The following THADA variants were observed in gnomAD, a reference collection of about 807,000 sequenced individuals.
The protein encoded by THADA is THADA armadillo repeat containing, also known as tRNA (32-2'-O)-methyltransferase regulator THADA.
Under a neutral mutation model 219.8 loss-of-function variants are expected in THADA, and 213 were observed. The observed-to-expected ratio is 0.97, with a 90% CI of 0.87 to 1.09. THADA has a LOEUF of 1.09. Ranked by LOEUF, THADA falls within the 50% of genes least tolerant of loss-of-function variation. THADA has a pLI of 0.00. For missense variants in THADA, 2,956 were observed against 2,311.3 expected (o/e 1.28, Z -5.72); for synonymous variants, 1,018 against 828.9 (o/e 1.23, Z -3.92).
Position 43,574,856 on chromosome 2 carries a change from T to C in THADA, c.1209A>G (p.Pro403=), listed in dbSNP as rs776122558. 5.0e-6 allele frequency: 8 copies of C among 1,613,886 alleles called. No homozygotes were observed. In the African/African-American group the frequency reaches 5.3e-5, roughly 11 times the overall value. ...TGGTTTGGTGTCTCAGAGCATCCAA[T>C]GGATGTTCCCAATGGGTATAGACAT... ...LEYVYTHWEH[P]LDALRHQTKI... is the part of the protein sequence containing the mutation. Residue 403 remains proline, a synonymous_variant, in exon 11 of 38, where the codon CCA becomes CCG. Coordinates refer to ENST00000405975, the MANE Select transcript of THADA (RefSeq NM_022065.5).
chr2:43,392,089 A>G (rs1019766811), intron 29 of THADA, among the ~76,000 whole-genome samples: 18 of 152,352 alleles, frequency 1.2e-4, no homozygotes, highest in African/African-American at 4.1e-4. Flanking sequence ...ACAAACAACA[A>G]TGGAGACGGC....
intron 4 of THADA, 91 bp downstream of exon 4, chr2:43,590,733 T>G: frequency 1.4e-6 from 2 of 1,381,934 alleles, no homozygotes; most frequent in Non-Finnish European, 2.0e-6. Context: ...TCTGTATCAG[T>G]TCAGTTTTAT....
intron 14 of THADA, among the ~76,000 whole-genome samples, chr2:43,569,394 CTCAAATCAATCT>C (rs1699047062): frequency 6.6e-6 from 1 of 152,148 alleles, no homozygotes; most frequent in African/African-American, 2.4e-5. Flanking sequence ...TCATTTAATC[CTCAAATCAATCT>C]TTGAGAAAGG....
At chr2:43,246,876 C>T (rs1427451068) in intron 36 of THADA, among the ~76,000 whole-genome samples, 5 of 152,142 alleles carry the variant, frequency 3.3e-5, no homozygotes, top group East Asian at 1.9e-4. Flanking sequence ...CCTAGGCTGA[C>T]GCTGAGTGTG....
chr2:43,395,208 T>C (rs766122797), intron 29 of THADA, among the ~76,000 whole-genome samples: 1 of 152,252 alleles, frequency 6.6e-6, no homozygotes, highest in Non-Finnish European at 1.5e-5. Flanking sequence ...GAAAATCTGA[T>C]GGCTGATCCC....
intron 24 of THADA, among the ~76,000 whole-genome samples, chr2:43,501,893 G>A (rs1421979339): frequency 1.3e-5 from 2 of 151,838 alleles, no homozygotes; most frequent in South Asian, 2.1e-4. Context: ...GCAGTGAGCC[G>A]AGATCACACC....
intron 31 of THADA, among the ~76,000 whole-genome samples, chr2:43,313,595 C>A (rs1677749209): frequency 6.6e-6 from 1 of 152,254 alleles, no homozygotes; most frequent in Admixed American, 6.5e-5. Flanking sequence ...GTCAAGCGTG[C>A]TCTTTCTAAT....
At chr2:43,299,848 G>A (rs1242454464) in intron 31 of THADA, among the ~76,000 whole-genome samples, 6 of 128,766 alleles carry the variant, frequency 4.7e-5, no homozygotes, top group South Asian at 2.9e-4. Context: ...CCAACATGGC[G>A]AAACCCCGCC....
At chr2:43,345,025 A>C (rs185725241) in intron 29 of THADA, among the ~76,000 whole-genome samples, 1 of 152,376 alleles carries the variant, frequency 6.6e-6, no homozygotes, top group African/African-American at 2.4e-5. Flanking sequence ...GAAATCCTTC[A>C]GTCTCCAGCC....
chr2:43,486,745 A>T (rs1686965813), intron 25 of THADA: 1 of 152,224 alleles, frequency 6.6e-6, no homozygotes, highest in African/African-American at 2.4e-5. Context: ...GAGGAAATAT[A>T]AGTCCAGTTT....
intron 36 of THADA, among the ~76,000 whole-genome samples, chr2:43,274,617 T>C (rs887793267): frequency 6.6e-6 from 1 of 152,144 alleles, no homozygotes; most frequent in African/African-American, 2.4e-5. Context: ...GGGGAGATCC[T>C]GGAGGGCAAG....
intron 26 of THADA, among the ~76,000 whole-genome samples, chr2:43,479,202 T>C (rs1018176884): frequency 2.9e-4 from 44 of 152,310 alleles, no homozygotes; most frequent in African/African-American, 1.0e-3. Context: ...ATCATCTGAA[T>C]CCAAACTACT....
intron 13 of THADA, 23 bp downstream of exon 13, chr2:43,571,684 T>A: frequency 6.3e-7 from 1 of 1,599,522 alleles, no homozygotes; most frequent in Non-Finnish European, 8.5e-7. Context: ...CACTTCCCTA[T>A]GCCTTCTGAT....
At chr2:43,349,619 G>C (rs1483851963) in intron 29 of THADA, among the ~76,000 whole-genome samples, 1 of 152,144 alleles carries the variant, frequency 6.6e-6, no homozygotes, top group Non-Finnish European at 1.5e-5. Context: ...AAAATCAACA[G>C]CAGCTGAGCT....
At chr2:43,246,355 C>T (rs1669144414) in intron 36 of THADA, among the ~76,000 whole-genome samples, 1 of 152,094 alleles carries the variant, frequency 6.6e-6, no homozygotes, top group African/African-American at 2.4e-5. Flanking sequence ...ATTAGCCGGG[C>T]ACGGTGGTGG....
chr2:43,293,808 T>C (rs994048640), intron 31 of THADA, among the ~76,000 whole-genome samples: 2 of 152,216 alleles, frequency 1.3e-5, no homozygotes, highest in Non-Finnish European at 2.9e-5. Flanking sequence ...CCTACTTCCT[T>C]CCTCAAATGA....
intron 26 of THADA, among the ~76,000 whole-genome samples, chr2:43,451,522 T>C (rs1250939911): frequency 6.6e-6 from 1 of 152,222 alleles, no homozygotes; most frequent in Non-Finnish European, 1.5e-5. Context: ...CTAAAGACTA[T>C]CTAATTTCTG....
chr2:43,260,375 G>C (rs922968010), intron 36 of THADA, among the ~76,000 whole-genome samples: 1 of 152,074 alleles, frequency 6.6e-6, no homozygotes, highest in Non-Finnish European at 1.5e-5. Context: ...CTTCTACAGA[G>C]TGCTCGGTTT....
At chr2:43,585,346 CAAAAAA>C (rs34682195) in intron 7 of THADA, among the ~76,000 whole-genome samples, 2 of 95,328 alleles carry the variant, frequency 2.1e-5, no homozygotes, top group South Asian at 6.3e-4. Flanking sequence ...CTCATTCCTA[CAAAAAA>C]AAAAAAAAAA....
Sources: gnomAD v4.1 joint callset for allele counts (sites outside exome capture counted in the v4.1 genomes callset) on GRCh38, gnomAD v4.1.1 for gene constraint, MANE v1.5 for transcripts, NCBI Gene and HGNC (gene_info 2026-07-23, HGNC 2026-07-21) for gene names.